SBF2: variants seen among roughly 807,000 people sequenced by gnomAD.
The protein encoded by SBF2 is SET binding factor 2, also known as myotubularin-related protein 13.
A neutral mutation model predicts 225.2 loss-of-function variants in SBF2; 112 were observed. That is an observed-to-expected ratio of 0.50 (90% CI 0.43 to 0.58). SBF2 has a LOEUF of 0.58. Among genes scored for constraint, SBF2 ranks in the 20% least tolerant of loss-of-function variants. The pLI, the probability that SBF2 is intolerant of heterozygous loss-of-function variation, is 0.00. For synonymous variants in SBF2, 763 were observed against 773.3 expected (o/e 0.99, Z 0.22); for missense variants, 1,996 against 2,206.2 (o/e 0.90, Z 1.91).
intron 1 of SBF2, among the ~76,000 whole-genome samples, chr11:10,194,444 G>A (rs539992418): frequency 6.6e-6 from 1 of 152,190 alleles, no homozygotes; most frequent in African/African-American, 2.4e-5. Flanking sequence ...TATCCGTGAG[G>A]GTTCTGGAAC....
Position 9,942,846 on chromosome 11 carries a change from A to G in SBF2, c.1860+19111T>C, listed in dbSNP as rs571141615. Among the ~76,000 whole-genome samples, 45 of 151,204 alleles carry G rather than the reference A, an allele frequency of 3.0e-4. 1 individual carries two copies. Among genetic ancestry groups the G allele is most frequent in the African/African-American group, 1.1e-3 (45 of 41,212 alleles). On this transcript the variant is annotated intron_variant, in intron 16 of 39. Coordinates refer to ENST00000256190, the MANE Select transcript of SBF2 (RefSeq NM_030962.4). ...AGAGTAAGACCCTGTCTCAAAAAAA[A>G]CAAAGAAAGAAAGGAAGAAAGGAAG...
At chr11:10,126,328 A>T (rs1953754538) in intron 2 of SBF2, among the ~76,000 whole-genome samples, 1 of 151,176 alleles carries the variant, frequency 6.6e-6, no homozygotes, top group Non-Finnish European at 1.5e-5. Flanking sequence ...TCATTTTTGG[A>T]GTTTCATTAT....
intron 30 of SBF2, among the ~76,000 whole-genome samples, chr11:9,811,543 G>A (rs1304950245): frequency 1.3e-5 from 2 of 152,100 alleles, no homozygotes; most frequent in African/African-American, 4.8e-5. Flanking sequence ...TCATAGCCTG[G>A]GGACAGAAGG....
chr11:9,862,091 T>C (rs527423446), intron 17 of SBF2, among the ~76,000 whole-genome samples: 1 of 152,316 alleles, frequency 6.6e-6, no homozygotes, highest in South Asian at 2.1e-4. Flanking sequence ...GTAGTCTTAG[T>C]AAACAGAGAA....
chr11:10,101,349 C>G (rs1054054257), intron 2 of SBF2, among the ~76,000 whole-genome samples: 1 of 152,182 alleles, frequency 6.6e-6, no homozygotes, highest in Admixed American at 6.5e-5. Context: ...TGACTAGTGT[C>G]TGTTTTGTTA....
At chr11:10,156,678 AAAG>A (rs1429146836) in intron 2 of SBF2, among the ~76,000 whole-genome samples, 2 of 152,228 alleles carry the variant, frequency 1.3e-5, no homozygotes, top group Non-Finnish European at 2.9e-5. Flanking sequence ...ATGGCCACAA[AAAG>A]AATAAAATAC....
intron 16 of SBF2, among the ~76,000 whole-genome samples, chr11:9,954,661 T>C (rs1745937177): frequency 6.6e-6 from 1 of 152,050 alleles, no homozygotes; most frequent in Admixed American, 6.5e-5. Flanking sequence ...CCTGAGTAAA[T>C]CAATTGTATT....
intron 2 of SBF2, among the ~76,000 whole-genome samples, chr11:10,175,189 A>C (rs1956400164): frequency 6.6e-6 from 1 of 151,348 alleles, no homozygotes; most frequent in Admixed American, 6.6e-5. Context: ...AATGGACTAA[A>C]TGCTCCAATT....
chr11:9,936,550 A>G (rs973130642), intron 16 of SBF2, among the ~76,000 whole-genome samples: 3 of 152,218 alleles, frequency 2.0e-5, no homozygotes, highest in African/African-American at 4.8e-5. Flanking sequence ...CTTGGAACCA[A>G]CCCAAATGTC....
At chr11:9,836,899 T>C (rs534986641) in intron 26 of SBF2, among the ~76,000 whole-genome samples, 137 of 152,264 alleles carry the variant, frequency 9.0e-4, no homozygotes, top group African/African-American at 3.1e-3. Flanking sequence ...GTTTTTAGTA[T>C]ATATATAATT....
chr11:10,206,914 A>AGGG (rs1219547659), intron 1 of SBF2, among the ~76,000 whole-genome samples: 3 of 152,102 alleles, frequency 2.0e-5, no homozygotes, highest in Non-Finnish European at 4.4e-5. Context: ...GGAGAGGAAG[A>AGGG]GGGGAACTAA....
chr11:10,108,119 C>T (rs1479630752), intron 2 of SBF2, among the ~76,000 whole-genome samples: 1 of 152,086 alleles, frequency 6.6e-6, no homozygotes, highest in African/African-American at 2.4e-5. Flanking sequence ...CCTGAGTCTC[C>T]GGATACAGCC....
intron 16 of SBF2, among the ~76,000 whole-genome samples, chr11:9,934,287 A>C (rs935895797): frequency 5.3e-5 from 8 of 152,338 alleles, no homozygotes; most frequent in African/African-American, 1.9e-4. Context: ...ATAGACCAGT[A>C]ACAGGCTCTG....
chr11:10,098,185 T>C (rs1263126536), intron 2 of SBF2, among the ~76,000 whole-genome samples: 1 of 152,090 alleles, frequency 6.6e-6, no homozygotes, highest in Non-Finnish European at 1.5e-5. Context: ...TCCACAGACT[T>C]GGTTTGATTC....
chr11:9,979,364 G>A (rs1178212245), intron 13 of SBF2, among the ~76,000 whole-genome samples: 1 of 152,172 alleles, frequency 6.6e-6, no homozygotes, highest in Non-Finnish European at 1.5e-5. Context: ...AAGAAAAGCA[G>A]TATGTTTATA....
At chr11:9,900,763 A>G (rs1861660203) in intron 16 of SBF2, among the ~76,000 whole-genome samples, 1 of 152,218 alleles carries the variant, frequency 6.6e-6, no homozygotes, top group African/African-American at 2.4e-5. Flanking sequence ...GTTCTTAGAC[A>G]GGATCCTGCT....
intron 34 of SBF2, among the ~76,000 whole-genome samples, 174 bp from the exon 35 acceptor site, chr11:9,789,516 A>G (rs1852601531): frequency 6.6e-6 from 1 of 152,198 alleles, no homozygotes; most frequent in Non-Finnish European, 1.5e-5. Context: ...ATTAAATAAA[A>G]CATTCTCCAA....
chr11:10,298,434 T>A (rs1226962766), upstream of SBF2, among the ~76,000 whole-genome samples: 3 of 152,178 alleles, frequency 2.0e-5, no homozygotes, highest in African/African-American at 7.2e-5. Context: ...AAAATAGAGC[T>A]AATTATCAGT....
chr11:10,197,179 T>G (rs1957406285), intron 1 of SBF2, among the ~76,000 whole-genome samples: 1 of 152,096 alleles, frequency 6.6e-6, no homozygotes, highest in South Asian at 2.1e-4. Flanking sequence ...TGTGTATCCC[T>G]TATAAGAAAA....
Sources: gnomAD v4.1 joint callset for allele counts (sites outside exome capture counted in the v4.1 genomes callset) on GRCh38, gnomAD v4.1.1 for gene constraint, MANE v1.5 for transcripts, NCBI Gene and HGNC (gene_info 2026-07-23, HGNC 2026-07-21) for gene names.